SNX18: variants seen among roughly 807,000 people sequenced by gnomAD.
SNX18 encodes sorting nexin 18, also known as sorting nexin-18.
A neutral mutation model predicts 48.7 loss-of-function variants in SNX18; 35 were observed. That is an observed-to-expected ratio of 0.72 (90% confidence interval 0.55 to 0.95). The LOEUF (loss-of-function observed/expected upper bound fraction) is 0.95, where lower values mean the gene tolerates loss of function less well. SNX18 is among the 40% of genes least tolerant of loss of function. SNX18 has a pLI of 0.00. For synonymous variants in SNX18, 492 were observed against 384.7 expected, an observed-to-expected ratio of 1.28 and a Z score of -3.26; for missense variants, 824 against 871.0, an observed-to-expected ratio of 0.95 and a Z score of 0.68.
chr5:54,570,291 C>T, the SNX18 span, among the ~76,000 whole-genome samples: 76,219 of 152,022 alleles, frequency 0.5, 20,043 homozygotes, highest in Non-Finnish European at 0.59. Flanking sequence ...TCCCTTAGAG[C>T]CTTCAGAGGA....
At position 54,518,730 on chromosome 5, in the gene SNX18, G is replaced by A. The variant is rs1420639730; in HGVS notation, c.778G>A (p.Val260Met). Residue 260 changes from valine to methionine, a missense_variant, in exon 1 of 2, where the codon GTG becomes ATG. Physicochemically the swap from Val to Met is conservative, Grantham distance 21. Around this residue, in one of 3 missense-constraint regions of SNX18, gnomAD observed 443 missense variants for 503.6 expected, o/e 0.88. Coordinates refer to ENST00000381410, the MANE Select transcript of SNX18 (RefSeq NM_001102575.2). ...CGTGAAGGACGGGGACAAGCTGTGC[G>A]TGGTGCTGGGGCCCTATGGCCCCGA... is the stretch of plus-strand genomic sequence containing the variant. ...GFVKDGDKLC[V>M]VLGPYGPEWQ... 6.2e-7 allele frequency: 1 copy of A among 1,603,362 alleles called. No homozygotes were observed. Among genetic ancestry groups the A allele is most frequent in the Non-Finnish European group, 8.5e-7 (1 of 1,174,798 alleles).
the SNX18 span, among the ~76,000 whole-genome samples, chr5:54,575,404 G>T: frequency 1.7e-5 from 2 of 120,578 alleles, no homozygotes; most frequent in Non-Finnish European, 3.2e-5. Flanking sequence ...ACACAGTCTT[G>T]CTCTGTCACC....
At chr5:54,593,053 A>G in the SNX18 span, among the ~76,000 whole-genome samples, 3 of 152,178 alleles carry the variant, frequency 2.0e-5, no homozygotes, top group African/African-American at 7.2e-5. Flanking sequence ...CACACGCCTC[A>G]GCCTCCCAAA....
chr5:54,639,756 A>G, the SNX18 span, among the ~76,000 whole-genome samples: 2 of 152,198 alleles, frequency 1.3e-5, no homozygotes, highest in South Asian at 2.1e-4. Context: ...CTAGGCCTGA[A>G]TAAGCTACGC....
chr5:54,581,015 G>A, the SNX18 span, among the ~76,000 whole-genome samples: 1 of 152,162 alleles, frequency 6.6e-6, no homozygotes, highest in Admixed American at 6.5e-5. Context: ...AAAGGATGCT[G>A]AGGAAGCATT....
intron 1 of SNX18, among the ~76,000 whole-genome samples, chr5:54,531,466 G>A (rs888716952): frequency 6.6e-6 from 1 of 152,076 alleles, no homozygotes; most frequent in Non-Finnish European, 1.5e-5. Context: ...TGACATTTGC[G>A]ATTTTCACCA....
the SNX18 span, among the ~76,000 whole-genome samples, chr5:54,573,352 G>A: frequency 6.6e-6 from 1 of 152,068 alleles, no homozygotes; most frequent in Non-Finnish European, 1.5e-5. Context: ...GACTCACCCT[G>A]AATTCTTTCT....
At chr5:54,536,621 G>A (rs1762361322) in intron 1 of SNX18, among the ~76,000 whole-genome samples, 1 of 152,156 alleles carries the variant, frequency 6.6e-6, no homozygotes. Flanking sequence ...TCTTAATCCA[G>A]TCTATCATTG....
chr5:54,519,318 C>G lies in SNX18; in HGVS notation c.1366C>G (p.Gln456Glu), dbSNP rs1330195899. ...NHTANEFARKQVTGFKKEYQK... is the reference protein window; with the variant it reads ...NHTANEFARKEVTGFKKEYQK... The stretch of plus-strand genomic sequence containing the variant: ...CACGGCCAACGAGTTCGCGCGCAAG[C>G]AGGTGACCGGCTTCAAAAAGGAGTA... Residue 456 changes from glutamine (Q) to glutamate (E), a missense_variant, in exon 1 of 2, where the codon CAG (glutamine) becomes GAG (glutamate). Coordinates refer to ENST00000381410, the MANE Select transcript of SNX18 (RefSeq NM_001102575.2). 6.2e-7 allele frequency: 1 copy of G among 1,613,686 alleles called. No homozygotes were observed. Among genetic ancestry groups the G allele is most frequent in the Non-Finnish European group, 8.5e-7 (1 of 1,179,838 alleles).
At chr5:54,637,315 T>A in the SNX18 span, among the ~76,000 whole-genome samples, 1 of 152,244 alleles carries the variant, frequency 6.6e-6, no homozygotes, top group African/African-American at 2.4e-5. Flanking sequence ...TATGAATTAA[T>A]CATAAATAAA....
At chr5:54,572,750 G>A in the SNX18 span, among the ~76,000 whole-genome samples, 92 of 41,434 alleles carry the variant, frequency 2.2e-3, 2 homozygotes, top group African/African-American at 7.4e-3. Flanking sequence ...GTGTGTGTGT[G>A]TGTGTATATA....
chr5:54,546,654 C>A (rs1207411379), downstream of SNX18: 1 of 152,118 alleles, frequency 6.6e-6, no homozygotes, highest in Non-Finnish European at 1.5e-5. Flanking sequence ...TGAAGAATTA[C>A]ACAGAAAAAT....
At chr5:54,636,886 C>G in the SNX18 span, among the ~76,000 whole-genome samples, 1 of 152,134 alleles carries the variant, frequency 6.6e-6, no homozygotes, top group Admixed American at 6.5e-5. Flanking sequence ...TGGATGGGGC[C>G]AGGATTCAAA....
the SNX18 span, among the ~76,000 whole-genome samples, chr5:54,571,452 A>G: frequency 1.3e-5 from 2 of 152,228 alleles, no homozygotes; most frequent in Non-Finnish European, 2.9e-5. Flanking sequence ...TGCTCTGGAC[A>G]CAACTGTCTA....
At chr5:54,543,071 T>C in intron 1 of SNX18, 108 bp from the exon 2 acceptor site, 2 of 1,060,912 alleles carry the variant, frequency 1.9e-6, no homozygotes, top group Non-Finnish European at 2.6e-6. Context: ...GTATTGAAAA[T>C]AGTTTGGGCA....
the SNX18 span, among the ~76,000 whole-genome samples, chr5:54,646,162 A>C: frequency 8.5e-5 from 13 of 152,238 alleles, no homozygotes; most frequent in Admixed American, 2.0e-4. Context: ...AACCCCAAGA[A>C]GACTTTTTTT....
At chr5:54,519,743 G>A in intron 1 of SNX18, 170 bp downstream of exon 1, 1 of 1,614,168 alleles carries the variant, frequency 6.2e-7, no homozygotes, top group Middle Eastern at 1.6e-4. Flanking sequence ...TGGATTGCTC[G>A]ACAGGCAGCT....
the SNX18 span, among the ~76,000 whole-genome samples, chr5:54,636,940 CAT>C: frequency 7.9e-5 from 12 of 152,160 alleles, no homozygotes; most frequent in African/African-American, 2.2e-4. Flanking sequence ...GCCATCTCCA[CAT>C]GTGTCCTCAA....
rs1336047723 is a variant in SNX18 at position 54,543,309 on chromosome 5, C to T, written c.1752C>T (p.Phe584=). The T allele has an allele frequency of 2.5e-6, 4 of 1,614,198 alleles. 1 individual carries two copies. In the South Asian group the frequency reaches 4.4e-5, roughly 18 times the overall value. Residue 584 remains phenylalanine (F), a synonymous_variant, in exon 2 of 2, where the codon TTC becomes TTT. Coordinates refer to ENST00000381410, the MANE Select transcript of SNX18 (RefSeq NM_001102575.2). ...SFATLAEIHH[F]HQIRVRDFKS... Reference sequence around the variant, plus strand: ...CCACTTTGGCTGAAATTCACCACTTCCATCAAATTCGAGTGAGAGACTTTA... The same window carrying T: ...CCACTTTGGCTGAAATTCACCACTTTCATCAAATTCGAGTGAGAGACTTTA...
Sources: allele counts gnomAD v4.1 joint callset (sites outside exome capture counted in the v4.1 genomes callset), GRCh38; gene constraint gnomAD v4.1.1; regional missense constraint gnomAD v4.1.1; transcripts MANE v1.5; gene names NCBI Gene and HGNC (gene_info 2026-07-23, HGNC 2026-07-21).